Variants in POFUT3 observed in about 807,000 individuals in gnomAD.
POFUT3 encodes the protein protein O-fucosyltransferase 3.
the POFUT3 span, among the ~76,000 whole-genome samples, chr8:33,423,799 T>A: frequency 4.5e-5 from 6 of 132,712 alleles, no homozygotes; most frequent in African/African-American, 1.7e-4. Flanking sequence ...AGGGTCTATT[T>A]CTCTTTAGGC....
chr8:33,387,199 A>G, the POFUT3 span, among the ~76,000 whole-genome samples: 1 of 152,182 alleles, frequency 6.6e-6, no homozygotes, highest in Admixed American at 6.5e-5. Context: ...CTCTGAGAAG[A>G]ATGATGTAAT....
chr8:33,377,655 C>T, the POFUT3 span: 4 of 152,168 alleles, frequency 2.6e-5, no homozygotes, highest in African/African-American at 9.7e-5. Flanking sequence ...AAATATTTCA[C>T]AGTATGACCC....
the POFUT3 span, among the ~76,000 whole-genome samples, chr8:33,417,753 A>G: frequency 3.3e-5 from 5 of 152,184 alleles, no homozygotes; most frequent in Non-Finnish European, 7.4e-5. Flanking sequence ...AGATAATCAC[A>G]CTTCAAATAG....
chr8:33,432,924 T>C, the POFUT3 span, among the ~76,000 whole-genome samples: 1 of 152,112 alleles, frequency 6.6e-6, no homozygotes, highest in Admixed American at 6.6e-5. Context: ...TCTTGTAGCA[T>C]ATAGAAGTAC....
chr8:33,395,182 C>G, the POFUT3 span, among the ~76,000 whole-genome samples: 2 of 152,162 alleles, frequency 1.3e-5, no homozygotes, highest in Non-Finnish European at 1.5e-5. Context: ...GGCAAGGGTT[C>G]TACCCTCAAG....
the POFUT3 span, among the ~76,000 whole-genome samples, chr8:33,400,021 A>G: frequency 1.3e-5 from 2 of 152,060 alleles, no homozygotes; most frequent in African/African-American, 4.8e-5. Context: ...CTTTGATAAA[A>G]ATAAAAGTAA....
chr8:33,447,427 C>T, the POFUT3 span, among the ~76,000 whole-genome samples: 10 of 149,608 alleles, frequency 6.7e-5, no homozygotes, highest in South Asian at 1.3e-3. Context: ...CCAGCCTGGG[C>T]GACAGGGCAA....
chr8:33,425,844 T>G, the POFUT3 span, among the ~76,000 whole-genome samples: 3 of 149,766 alleles, frequency 2.0e-5, no homozygotes, highest in Non-Finnish European at 4.4e-5. Flanking sequence ...AAGAATCACT[T>G]GAATGCAGGA....
At chr8:33,422,041 CAAAAACA>C in the POFUT3 span, among the ~76,000 whole-genome samples, 2 of 150,890 alleles carry the variant, frequency 1.3e-5, no homozygotes, top group African/African-American at 4.9e-5. Flanking sequence ...AAAACAAAAA[CAAAAACA>C]AAAAAAAACC....
the POFUT3 span, among the ~76,000 whole-genome samples, chr8:33,396,641 G>A: frequency 7.9e-5 from 12 of 152,150 alleles, no homozygotes; most frequent in Non-Finnish European, 1.6e-4. Flanking sequence ...CAGAAGATGA[G>A]ACTCCTTTTA....
At chr8:33,308,077 G>A in the POFUT3 span, among the ~76,000 whole-genome samples, 1 of 152,054 alleles carries the variant, frequency 6.6e-6, no homozygotes, top group Non-Finnish European at 1.5e-5. Context: ...TGTATTTTGG[G>A]ATTTATTGCA....
the POFUT3 span, among the ~76,000 whole-genome samples, chr8:33,318,560 TA>T: frequency 6.0e-5 from 5 of 82,686 alleles, no homozygotes; most frequent in African/African-American, 4.0e-4. Flanking sequence ...TATAAATATA[TA>T]TATAATATAT....
the POFUT3 span, among the ~76,000 whole-genome samples, chr8:33,462,889 C>T: frequency 2.0e-5 from 3 of 151,804 alleles, no homozygotes; most frequent in African/African-American, 7.3e-5. Context: ...CGTGACTGCA[C>T]CACTGCACTC....
chr8:33,352,860 C>G, the POFUT3 span, among the ~76,000 whole-genome samples: 1 of 152,232 alleles, frequency 6.6e-6, no homozygotes, highest in Non-Finnish European at 1.5e-5. Context: ...TGGGACCACC[C>G]TATCCTCCTC....
the POFUT3 span, among the ~76,000 whole-genome samples, chr8:33,405,161 A>G: frequency 5.3e-5 from 8 of 151,926 alleles, no homozygotes; most frequent in Non-Finnish European, 1.2e-4. Context: ...CCTATCATCC[A>G]TGTCTCTTTC....
the POFUT3 span, chr8:33,372,489 G>C: frequency 2.7e-6 from 4 of 1,490,738 alleles, no homozygotes; most frequent in Non-Finnish European, 3.6e-6. Flanking sequence ...ATAGTCAACA[G>C]AATAGCTATT....
chr8:33,389,340 C>G, the POFUT3 span: 1 of 1,614,134 alleles, frequency 6.2e-7, no homozygotes, highest in South Asian at 1.1e-5. Context: ...TTCTCAAAAG[C>G]TAGGATAAAC....
the POFUT3 span, among the ~76,000 whole-genome samples, chr8:33,448,688 C>G: frequency 6.6e-6 from 1 of 152,082 alleles, no homozygotes; most frequent in African/African-American, 2.4e-5. Context: ...AATCCCAGCA[C>G]TTTGGGAGGC....
chr8:33,334,706 A>T, the POFUT3 span, among the ~76,000 whole-genome samples: 1 of 152,222 alleles, frequency 6.6e-6, no homozygotes, highest in Admixed American at 6.5e-5. Flanking sequence ...ACATAATAGC[A>T]GAGTTAAAAC....
Sources: allele counts gnomAD v4.1 joint callset (sites outside exome capture counted in the v4.1 genomes callset), GRCh38; gene constraint gnomAD v4.1.1; transcripts MANE v1.5; gene names NCBI Gene and HGNC (gene_info 2026-07-23, HGNC 2026-07-21).